Variants in CAST observed in about 807,000 individuals in gnomAD.
The protein encoded by CAST is calpastatin.
In CAST, 76 loss-of-function variants were observed where a neutral mutation model predicts 119.6. The observed-to-expected ratio is 0.64, with a 90% confidence interval of 0.53 to 0.77. CAST has a LOEUF of 0.77. CAST is among the 30% of genes least tolerant of loss of function. The pLI, the probability that CAST is intolerant of heterozygous loss-of-function variation, is 0.00. For missense variants in CAST, 953 were observed against 946.5 expected (o/e 1.01, Z -0.09); for synonymous variants, 319 against 331.6 (o/e 0.96, Z 0.41).
the CAST span, among the ~76,000 whole-genome samples, chr5:96,068,816 T>TAC: frequency 2.0e-5 from 3 of 151,276 alleles, no homozygotes; most frequent in East Asian, 1.9e-4. Context: ...ATATATTTTA[T>TAC]ATATACACAC....
At chr5:96,412,271 C>T in the CAST span, 1 of 1,464,946 alleles carries the variant, frequency 6.8e-7, no homozygotes, top group East Asian at 2.3e-5. Flanking sequence ...TCCTCATATC[C>T]AGATGGTCAG....
intron 1 of CAST, among the ~76,000 whole-genome samples, chr5:96,643,145 G>C (rs1747973890): frequency 1.3e-5 from 2 of 152,160 alleles, no homozygotes; most frequent in Admixed American, 6.5e-5. Flanking sequence ...TGGCATGTTT[G>C]CACGCAGCTG....
At chr5:96,494,922 C>T in the CAST span, among the ~76,000 whole-genome samples, 8 of 152,066 alleles carry the variant, frequency 5.3e-5, no homozygotes, top group East Asian at 1.4e-3. Context: ...TCGAGACCAT[C>T]CTGGCTAACA....
At chr5:96,430,379 A>G in the CAST span, among the ~76,000 whole-genome samples, 1 of 152,230 alleles carries the variant, frequency 6.6e-6, no homozygotes, top group Non-Finnish European at 1.5e-5. Context: ...TAAATTGGTG[A>G]TTCTCATCGC....
chr5:96,059,087 G>A, the CAST span, among the ~76,000 whole-genome samples: 2 of 151,856 alleles, frequency 1.3e-5, no homozygotes, highest in Admixed American at 1.3e-4. Context: ...TTTTGTTAGA[G>A]ATGAGAACCC....
the CAST span, among the ~76,000 whole-genome samples, chr5:95,966,043 T>G: frequency 6.6e-6 from 1 of 152,138 alleles, no homozygotes; most frequent in Non-Finnish European, 1.5e-5. Context: ...TGGGGAGGGC[T>G]CTCTAATCTA....
chr5:96,409,081 A>T, the CAST span, among the ~76,000 whole-genome samples: 1 of 152,194 alleles, frequency 6.6e-6, no homozygotes, highest in African/African-American at 2.4e-5. Flanking sequence ...AGTTTTACAT[A>T]ATTTTCTTGC....
At chr5:96,233,841 T>C in the CAST span, among the ~76,000 whole-genome samples, 5 of 152,282 alleles carry the variant, frequency 3.3e-5, no homozygotes, top group East Asian at 9.6e-4. Flanking sequence ...TATATCTTCG[T>C]GTATAATCAG....
the CAST span, among the ~76,000 whole-genome samples, chr5:96,210,543 T>C: frequency 3.3e-5 from 5 of 152,076 alleles, no homozygotes; most frequent in Admixed American, 6.6e-5. Flanking sequence ...GTTCCACTGA[T>C]ATATGTGTCT....
chr5:96,681,146 A>G (rs953050128), intron 2 of CAST, among the ~76,000 whole-genome samples: 1 of 151,826 alleles, frequency 6.6e-6, no homozygotes, highest in Non-Finnish European at 1.5e-5. Context: ...TGACCAGAGT[A>G]TTTTCTAAGA....
intron 1 of CAST, among the ~76,000 whole-genome samples, chr5:96,618,126 G>C (rs1747506462): frequency 6.6e-6 from 1 of 152,142 alleles, no homozygotes; most frequent in Non-Finnish European, 1.5e-5. Flanking sequence ...AGTCCTACAG[G>C]GCTAACTCCA....
the CAST span, among the ~76,000 whole-genome samples, chr5:96,096,781 C>G: frequency 1.3e-5 from 2 of 152,112 alleles, no homozygotes; most frequent in East Asian, 3.9e-4. Context: ...TGGTTGGGTC[C>G]AGCAGATCCC....
intron 1 of CAST, among the ~76,000 whole-genome samples, chr5:96,550,161 G>A (rs190594698): frequency 1.9e-4 from 29 of 152,312 alleles, no homozygotes; most frequent in Admixed American, 9.8e-4. Context: ...AGTAGGGGCC[G>A]ACAGACACCT....
the CAST span, among the ~76,000 whole-genome samples, chr5:96,129,324 T>G: frequency 6.6e-6 from 1 of 152,142 alleles, no homozygotes; most frequent in Admixed American, 6.6e-5. Context: ...TTTATTAAAG[T>G]GGGTGGATAA....
the CAST span, among the ~76,000 whole-genome samples, chr5:96,123,561 G>A: frequency 6.6e-6 from 1 of 152,118 alleles, no homozygotes; most frequent in Non-Finnish European, 1.5e-5. Context: ...AGGTTGGCCT[G>A]ATGGAAAAGT....
chr5:96,704,558 T>G (rs1487483051), intron 3 of CAST, among the ~76,000 whole-genome samples: 1 of 152,252 alleles, frequency 6.6e-6, no homozygotes, highest in East Asian at 1.9e-4. Flanking sequence ...TTACTTTTTC[T>G]CAAAATATGA....
chr5:96,679,312 C>T (rs1379216084), intron 2 of CAST: 3 of 152,054 alleles, frequency 2.0e-5, no homozygotes. Context: ...TCAATTCTTT[C>T]TCAGATGTAG....
the CAST span, among the ~76,000 whole-genome samples, chr5:96,385,305 G>C: frequency 6.6e-6 from 1 of 152,186 alleles, no homozygotes; most frequent in Admixed American, 6.5e-5. Context: ...TCCAAAATTT[G>C]AAGAAGCGGT....
the CAST span, among the ~76,000 whole-genome samples, chr5:96,112,592 G>A: frequency 6.6e-6 from 1 of 152,178 alleles, no homozygotes; most frequent in Admixed American, 6.5e-5. Context: ...GAAGAGGGAA[G>A]CAGAAACGAG....
Sources: allele counts gnomAD v4.1 joint callset (sites outside exome capture counted in the v4.1 genomes callset), GRCh38; gene constraint gnomAD v4.1.1; transcripts MANE v1.5; gene names NCBI Gene and HGNC (gene_info 2026-07-23, HGNC 2026-07-21).